The following SCAPER variants were observed in gnomAD, a reference collection of about 807,000 sequenced individuals.
The protein encoded by SCAPER is S phase cyclin A-associated protein in the endoplasmic reticulum.
Under a neutral mutation model 182.2 loss-of-function variants are expected in SCAPER, and 98 were observed. That is an observed-to-expected ratio of 0.54 (90% confidence interval 0.46 to 0.64). SCAPER has a LOEUF of 0.64. SCAPER is among the 30% of genes least tolerant of loss of function. The pLI is 0.00. For missense variants in SCAPER, 1,432 were observed against 1,690.0 expected (o/e 0.85, Z 2.68); for synonymous variants, 605 against 564.6 (o/e 1.07, Z -1.01).
chr15:76,643,975 A>G lies in SCAPER; in HGVS notation c.2645+21678T>C, dbSNP rs185779795. On this transcript the variant is annotated intron_variant, in intron 21 of 31. Transcript: ENST00000563290. ...AGGATCTGATCTGATGAAGAACTATAGTTTGAAAATCACTACCATGTTTCA... is the reference window on the plus strand; with the variant it reads ...AGGATCTGATCTGATGAAGAACTATGGTTTGAAAATCACTACCATGTTTCA... 5.4e-4 allele frequency among the ~76,000 whole-genome samples: 83 copies of G among 152,310 alleles called. No individual in the cohort carries two copies. The Middle Eastern group carries it at 0.01, about 19-fold the overall frequency.
chr15:76,536,752 A>G (rs2044201322), intron 23 of SCAPER, among the ~76,000 whole-genome samples: 1 of 152,170 alleles, frequency 6.6e-6, no homozygotes, highest in Non-Finnish European at 1.5e-5. Context: ...AGGGTATTCA[A>G]TTAGGAAAAG....
At chr15:76,634,425 C>T (rs1567658177) in intron 21 of SCAPER, among the ~76,000 whole-genome samples, 1 of 152,108 alleles carries the variant, frequency 6.6e-6, no homozygotes, top group East Asian at 1.9e-4. Context: ...ATTCAGCCAT[C>T]TTGGCTGCCC....
intron 5 of SCAPER, among the ~76,000 whole-genome samples, chr15:76,840,178 A>T (rs1658121734): frequency 6.6e-6 from 1 of 152,142 alleles, no homozygotes; most frequent in Non-Finnish European, 1.5e-5. Context: ...ACCACTTTGG[A>T]ATGCTGAGGT....
At chr15:76,688,608 G>A (rs756888346) in intron 20 of SCAPER, among the ~76,000 whole-genome samples, 5 of 151,948 alleles carry the variant, frequency 3.3e-5, no homozygotes, top group East Asian at 1.9e-4. Context: ...TAATTTTTGC[G>A]TAAGGTGTAA....
intron 24 of SCAPER, 88 bp downstream of exon 24, chr15:76,504,771 A>G: frequency 9.1e-7 from 1 of 1,096,110 alleles, no homozygotes; most frequent in Non-Finnish European, 1.3e-6. Flanking sequence ...TACACATACA[A>G]TTTTCTTGTG....
chr15:76,512,985 G>C (rs1379701821), intron 23 of SCAPER, among the ~76,000 whole-genome samples: 1 of 152,062 alleles, frequency 6.6e-6, no homozygotes, highest in East Asian at 1.9e-4. Flanking sequence ...GATGCAACAA[G>C]CCACCTCGGG....
intron 5 of SCAPER, among the ~76,000 whole-genome samples, chr15:76,836,468 G>C (rs1040779335): frequency 1.3e-5 from 2 of 152,106 alleles, no homozygotes; most frequent in Non-Finnish European, 2.9e-5. Context: ...ATGAATAAAG[G>C]ATTCCTTATT....
At chr15:76,582,966 A>G (rs912991116) in intron 22 of SCAPER, among the ~76,000 whole-genome samples, 1 of 152,194 alleles carries the variant, frequency 6.6e-6, no homozygotes, top group East Asian at 1.9e-4. Context: ...CAAATCAAAG[A>G]GAATTAAAGA....
chr15:76,725,252 A>G (rs2060511225), intron 17 of SCAPER, among the ~76,000 whole-genome samples: 1 of 152,166 alleles, frequency 6.6e-6, no homozygotes. Flanking sequence ...AGATGCAATG[A>G]AAACTACAAA....
chr15:76,381,700 A>G (rs2042953255), intron 27 of SCAPER, 85 bp from the exon 28 acceptor site: 1 of 1,096,346 alleles, frequency 9.1e-7, no homozygotes, highest in South Asian at 1.5e-5. Context: ...CAAGACAAGC[A>G]GACCGTTAAA....
At chr15:76,900,174 C>A (rs2074694753) in intron 1 of SCAPER, among the ~76,000 whole-genome samples, 1 of 151,928 alleles carries the variant, frequency 6.6e-6, no homozygotes, top group Admixed American at 6.6e-5. Flanking sequence ...ACTCCCTAAT[C>A]TCAAGTACCC....
intron 8 of SCAPER, among the ~76,000 whole-genome samples, chr15:76,775,779 C>T (rs2063712288): frequency 6.6e-6 from 1 of 151,994 alleles, no homozygotes; most frequent in Non-Finnish European, 1.5e-5. Flanking sequence ...ACCACATATA[C>T]ATGGAAACTA....
intron 5 of SCAPER, among the ~76,000 whole-genome samples, chr15:76,811,950 A>C (rs1205487644): frequency 6.6e-6 from 1 of 152,144 alleles, no homozygotes; most frequent in Non-Finnish European, 1.5e-5. Flanking sequence ...TAGGAAAAAA[A>C]CAAACTAAAC....
At chr15:76,558,979 C>T (rs1475863579) in intron 23 of SCAPER, among the ~76,000 whole-genome samples, 1 of 151,990 alleles carries the variant, frequency 6.6e-6, no homozygotes, top group East Asian at 1.9e-4. Context: ...GGTAACTGAA[C>T]CATAGAGGTG....
chr15:76,401,724 T>C (rs1034441763), intron 27 of SCAPER, among the ~76,000 whole-genome samples: 1 of 152,226 alleles, frequency 6.6e-6, no homozygotes, highest in Non-Finnish European at 1.5e-5. Context: ...TGTATGTCCG[T>C]ATCTCTTGGT....
At chr15:76,833,194 C>A (rs1391736524) in intron 5 of SCAPER, among the ~76,000 whole-genome samples, 1 of 152,170 alleles carries the variant, frequency 6.6e-6, no homozygotes, top group African/African-American at 2.4e-5. Context: ...AGAAACCCTA[C>A]AAGCCAGAAG....
intron 8 of SCAPER, among the ~76,000 whole-genome samples, chr15:76,788,561 G>A (rs2064779635): frequency 6.6e-6 from 1 of 151,898 alleles, no homozygotes; most frequent in African/African-American, 2.4e-5. Context: ...CTTGTAACTG[G>A]TATATTAATT....
rs750079355 is a variant in SCAPER, at chr15:76,574,253, G to A, written c.2743C>T (p.Gln915Ter). 6.2e-7 allele frequency: 1 copy of A among 1,611,728 alleles called. No individual in the cohort carries two copies. The highest frequency in any genetic ancestry group is 1.7e-5 in the Admixed American group (1 of 59,764). The change falls in exon 23 of 32, where the codon CAA (glutamine) becomes TAA (stop). Residue 915 changes from glutamine to a stop codon, truncating the protein, a stop_gained. Coordinates refer to ENST00000563290, the MANE Select transcript of SCAPER (RefSeq NM_020843.4). LOFTEE classifies it high-confidence loss of function. ...LQRLAKDLLK[Q>*]VQVQDSGSWA... Reference sequence around the variant, plus strand: ...GAGCCACTGTCTTGAACTTGTACTTGTTTTAGAAGATCTTTGGCTAATCGC... The same window carrying A: ...GAGCCACTGTCTTGAACTTGTACTTATTTTAGAAGATCTTTGGCTAATCGC...
intron 17 of SCAPER, among the ~76,000 whole-genome samples, chr15:76,712,292 T>A (rs1257082547): frequency 6.6e-6 from 1 of 152,210 alleles, no homozygotes; most frequent in Admixed American, 6.5e-5. Flanking sequence ...GTTCCATTGA[T>A]CTATATCTCT....
Sources: allele counts gnomAD v4.1 joint callset (sites outside exome capture counted in the v4.1 genomes callset), GRCh38; gene constraint gnomAD v4.1.1; transcripts MANE v1.5; gene names NCBI Gene and HGNC (gene_info 2026-07-23, HGNC 2026-07-21).